Variants in ESYT2 observed in about 807,000 individuals in gnomAD.
ESYT2 encodes the protein extended synaptotagmin-2.
ESYT2 carries 54 observed loss-of-function variants against 107.2 expected under a neutral mutation model. The observed-to-expected ratio is 0.50, with a 90% CI of 0.40 to 0.63. ESYT2 has a LOEUF of 0.63. Ranked by LOEUF, ESYT2 falls within the 30% of genes least tolerant of loss-of-function variation. ESYT2 has a pLI of 0.00. For synonymous variants in ESYT2, 491 were observed against 434.1 expected (o/e 1.13, Z -1.63); for missense variants, 1,020 against 1,094.5 (o/e 0.93, Z 0.96).
At chr7:158,782,132 AGAACAAGTGAGT>A (rs1260228263) in intron 6 of ESYT2, among the ~76,000 whole-genome samples, 13 of 18,602 alleles carry the variant, frequency 7.0e-4, no homozygotes, top group East Asian at 1.9e-3. Flanking sequence ...TGTAAGAACG[AGAACAAGTGAGT>A]GAACAAGTGT....
intron 19 of ESYT2, among the ~76,000 whole-genome samples, chr7:158,737,685 C>T (rs1233483925): frequency 4.6e-5 from 7 of 152,144 alleles, no homozygotes; most frequent in African/African-American, 1.4e-4. Flanking sequence ...GTATCCCCCA[C>T]GATCATTATC....
intron 1 of ESYT2, among the ~76,000 whole-genome samples, chr7:158,811,200 T>A (rs1231808826): frequency 6.6e-6 from 1 of 151,984 alleles, no homozygotes; most frequent in African/African-American, 2.4e-5. Context: ...AAAAAAGAAA[T>A]GAATATCTCA....
intron 1 of ESYT2, among the ~76,000 whole-genome samples, chr7:158,800,307 A>G (rs994262102): frequency 5.3e-5 from 8 of 152,144 alleles, no homozygotes; most frequent in Non-Finnish European, 1.0e-4. Flanking sequence ...TCTGCCTCCC[A>G]AAGTGCTGAG....
At position 158,734,111 on chromosome 7, in the gene ESYT2, G is replaced by A. The variant is rs1836833128; in HGVS notation, c.*96C>T. The stretch of plus-strand genomic sequence containing the variant: ...TTAAGGTATGTATAACTAAATCCAT[G>A]AAATTATAAAAATAACATTGGTACG... On this transcript the variant is annotated 3_prime_UTR_variant, in exon 23 of 23. Transcript: ENST00000275418. The A allele has an allele frequency of 7.0e-7, 1 of 1,435,296 alleles. No homozygotes were observed. Among genetic ancestry groups the A allele is most frequent in the Admixed American group, 1.9e-5 (1 of 52,664 alleles). The allele number at this position is 1,435,296 out of a possible 1,614,324, so 88.9% of individuals were successfully genotyped here. A position where few individuals can be genotyped will look rare whatever the true frequency, so the allele number is the denominator to read the frequency against.
At chr7:158,804,899 AG>A (rs1196882419) in intron 1 of ESYT2, among the ~76,000 whole-genome samples, 2 of 152,196 alleles carry the variant, frequency 1.3e-5, no homozygotes, top group Admixed American at 1.3e-4. Context: ...CCTGCACTGG[AG>A]GGAAGAGAAG....
At chr7:158,741,299 T>G (rs1183746120) in intron 18 of ESYT2, among the ~76,000 whole-genome samples, 1 of 152,236 alleles carries the variant, frequency 6.6e-6, no homozygotes, top group African/African-American at 2.4e-5. Context: ...GTTCTAATCT[T>G]TAATGACTAA....
At chr7:158,806,136 C>CGCTGGGGCACACCGCGTAGGAGGCGCT (rs1563033082) in intron 1 of ESYT2, among the ~76,000 whole-genome samples, 1 of 147,764 alleles carries the variant, frequency 6.8e-6, no homozygotes, top group Admixed American at 6.6e-5. Context: ...TGGGAGGTGC[C>CGCTGGGGCACACCGCGTAGGAGGCGCT]GGGGCACACC....
intron 16 of ESYT2, among the ~76,000 whole-genome samples, chr7:158,745,563 G>A (rs956476957): frequency 2.0e-5 from 3 of 152,182 alleles, no homozygotes; most frequent in South Asian, 2.1e-4. Flanking sequence ...ACAGGTGCAC[G>A]TGGAGTGTGT....
At chr7:158,754,808 G>A (rs1837697966) in intron 13 of ESYT2, among the ~76,000 whole-genome samples, 1 of 152,118 alleles carries the variant, frequency 6.6e-6, no homozygotes, top group Non-Finnish European at 1.5e-5. Flanking sequence ...GCCGTGCCTG[G>A]GAATCTCTAG....
chr7:158,799,779 C>T, intron 1 of ESYT2, among the ~76,000 whole-genome samples: 1 of 152,172 alleles, frequency 6.6e-6, no homozygotes. Flanking sequence ...AGGGATCCCT[C>T]TTACAATTCT....
At chr7:158,819,189 CCT>C (rs1840224927) in intron 1 of ESYT2, among the ~76,000 whole-genome samples, 3 of 152,188 alleles carry the variant, frequency 2.0e-5, no homozygotes, top group Admixed American at 2.0e-4. Flanking sequence ...AGGGATAAAT[CCT>C]CTGTCTTTTA....
rs373640019 is a variant in ESYT2, at chr7:158,829,016, G to A, written c.330+73C>T. 336 of 1,525,946 alleles carry A rather than the reference G, an allele frequency of 2.2e-4. 4 individuals are homozygous for A. In the East Asian group the frequency reaches 5.7e-3, roughly 26 times the overall value. The allele number at this position is 1,525,946 out of a possible 1,614,324, so 94.5% of individuals were successfully genotyped here. A position where few individuals can be genotyped will look rare whatever the true frequency, so the allele number is the denominator to read the frequency against. On this transcript the variant is annotated intron_variant, in intron 1 of 22. Coordinates refer to ENST00000275418, the MANE Select transcript of ESYT2 (RefSeq NM_001367773.1). ...ACCCAGGCGGCAGGTCGCGGGGAGGGGAGTGCCTGCCTGGACGAGGGGAGA... is the reference window on the plus strand; with the variant it reads ...ACCCAGGCGGCAGGTCGCGGGGAGGAGAGTGCCTGCCTGGACGAGGGGAGA...
intron 1 of ESYT2, among the ~76,000 whole-genome samples, chr7:158,816,327 G>A (rs1002219872): frequency 2.0e-5 from 3 of 152,168 alleles, no homozygotes; most frequent in Non-Finnish European, 4.4e-5. Context: ...TCCAGCCTAG[G>A]TGCAAACAGC....
intron 6 of ESYT2, among the ~76,000 whole-genome samples, chr7:158,787,782 A>G (rs1252036766): frequency 6.6e-6 from 1 of 152,170 alleles, no homozygotes; most frequent in East Asian, 1.9e-4. Context: ...ATGTTTCCAA[A>G]TTTTTGTAAC....
intron 4 of ESYT2, among the ~76,000 whole-genome samples, chr7:158,791,893 A>C (rs2129473352): frequency 6.6e-6 from 1 of 152,322 alleles, no homozygotes; most frequent in East Asian, 1.9e-4. Context: ...GTAACATCTT[A>C]ACAATATTAA....
chr7:158,818,366 C>G (rs1435776474), intron 1 of ESYT2, among the ~76,000 whole-genome samples: 1 of 152,098 alleles, frequency 6.6e-6, no homozygotes, highest in African/African-American at 2.4e-5. Context: ...TAGGGATATA[C>G]AGAGAGGAAG....
At chr7:158,782,413 A>AGAACAAGTGAGTGAAC (rs1838918199) in intron 6 of ESYT2, among the ~76,000 whole-genome samples, 1 of 148,954 alleles carries the variant, frequency 6.7e-6, no homozygotes, top group Admixed American at 6.7e-5. Flanking sequence ...TGAGTGAACG[A>AGAACAAGTGAGTGAAC]GTGTGAGAAC....
At chr7:158,803,656 T>A (rs1035312559) in intron 1 of ESYT2, among the ~76,000 whole-genome samples, 7 of 152,160 alleles carry the variant, frequency 4.6e-5, no homozygotes, top group Non-Finnish European at 1.0e-4. Context: ...AAAATTTTGG[T>A]TCACACACAG....
At chr7:158,776,400 T>C (rs555658560) in intron 6 of ESYT2, among the ~76,000 whole-genome samples, 3 of 152,354 alleles carry the variant, frequency 2.0e-5, no homozygotes, top group South Asian at 4.1e-4. Flanking sequence ...TAATATACAC[T>C]GAAAATCTGT....
Sources: allele counts gnomAD v4.1 joint callset (sites outside exome capture counted in the v4.1 genomes callset), GRCh38; gene constraint gnomAD v4.1.1; transcripts MANE v1.5; gene names NCBI Gene and HGNC (gene_info 2026-07-23, HGNC 2026-07-21).